The following MTUS2 variants were observed in gnomAD, a reference collection of about 807,000 sequenced individuals.
The protein encoded by MTUS2 is microtubule associated scaffold protein 2.
In MTUS2, 40 loss-of-function variants were observed where a neutral mutation model predicts 114.1. The ratio of observed to expected loss-of-function variants is 0.35; its 90% CI spans 0.27 to 0.46. The LOEUF (loss-of-function observed/expected upper bound fraction) is 0.46. Ranked by LOEUF, MTUS2 falls within the 20% of genes least tolerant of loss-of-function variation. MTUS2 has a pLI of 1.00. For synonymous variants in MTUS2, 688 were observed against 672.0 expected (o/e 1.02, Z -0.37); for missense variants, 1,679 against 1,705.4 (o/e 0.98, Z 0.27).
intron 2 of MTUS2, among the ~76,000 whole-genome samples, chr13:28,842,914 A>G (rs1287458977): frequency 6.6e-6 from 1 of 151,836 alleles, no homozygotes; most frequent in African/African-American, 2.4e-5. Flanking sequence ...GCTCCTTAGA[A>G]CCCCCTCTGG....
At chr13:29,201,229 C>T (rs894419793) in intron 5 of MTUS2, among the ~76,000 whole-genome samples, 4 of 152,086 alleles carry the variant, frequency 2.6e-5, no homozygotes, top group African/African-American at 7.2e-5. Context: ...ATAGTTAGCT[C>T]TTCTTGTTGC....
chr13:28,866,163 A>G (rs920858783), intron 2 of MTUS2, among the ~76,000 whole-genome samples: 1 of 152,098 alleles, frequency 6.6e-6, no homozygotes, highest in East Asian at 1.9e-4. Context: ...TGCTCTATGC[A>G]TGGGAGCACA....
chr13:28,952,071 A>G (rs888916753), intron 2 of MTUS2, among the ~76,000 whole-genome samples: 2 of 152,142 alleles, frequency 1.3e-5, no homozygotes, highest in Admixed American at 6.6e-5. Context: ...CATGATGCAT[A>G]TTTTATTTCC....
chr13:29,029,026 CAT>C (rs1476590760), intron 3 of MTUS2, among the ~76,000 whole-genome samples: 3 of 152,172 alleles, frequency 2.0e-5, no homozygotes, highest in Admixed American at 2.0e-4. Context: ...AAGTTGAATC[CAT>C]TCTCGGCAGC....
intron 5 of MTUS2, among the ~76,000 whole-genome samples, chr13:29,236,488 T>G (rs574311416): frequency 6.6e-6 from 1 of 152,360 alleles, no homozygotes; most frequent in African/African-American, 2.4e-5. Flanking sequence ...AACACTAATT[T>G]TTCCTAGACA....
intron 6 of MTUS2, among the ~76,000 whole-genome samples, chr13:29,315,644 T>C (rs887100350): frequency 6.6e-6 from 1 of 151,974 alleles, no homozygotes; most frequent in Non-Finnish European, 1.5e-5. Context: ...TGAGCTAGGG[T>C]TGGGTTCTGC....
chr13:29,054,027 A>G (rs1378898952), intron 4 of MTUS2, among the ~76,000 whole-genome samples: 1 of 152,246 alleles, frequency 6.6e-6, no homozygotes, highest in African/African-American at 2.4e-5. Context: ...TTACAGTCCC[A>G]TGAGCAATCT....
At chr13:29,169,138 G>A (rs1893447346) in intron 5 of MTUS2, among the ~76,000 whole-genome samples, 1 of 152,058 alleles carries the variant, frequency 6.6e-6, no homozygotes, top group African/African-American at 2.4e-5. Flanking sequence ...ATCAAAATTA[G>A]GCCTTACTAA....
At chr13:29,085,803 C>T (rs77311043) in intron 4 of MTUS2, among the ~76,000 whole-genome samples, 2,095 of 152,118 alleles carry the variant, frequency 0.014, 57 homozygotes, top group African/African-American at 0.048. Flanking sequence ...GGCTGTATAC[C>T]CAGCAGTGGG....
chr13:29,084,784 C>CCG (rs1555234175), intron 4 of MTUS2, among the ~76,000 whole-genome samples: 2 of 110,346 alleles, frequency 1.8e-5, no homozygotes, highest in Admixed American at 1.7e-4. Context: ...GTGATCCACC[C>CCG]CCCCCCCTCA....
rs540613201 is a variant in MTUS2, at chr13:29,392,942, C to T, written c.3117+33469C>T. 1.1e-4 allele frequency among the ~76,000 whole-genome samples: 16 copies of T among 152,262 alleles called. No homozygotes were observed. In the East Asian group the frequency reaches 1.7e-3, roughly 17 times the overall value. On this transcript the variant is annotated intron_variant, in intron 8 of 15. Coordinates refer to ENST00000612955, the MANE Select transcript of MTUS2 (RefSeq NM_001033602.4). ...AAAAAACCGATAAGTGGCATCTATG[C>T]AATGATATCTGAAACTTGGGAATTC...
chr13:29,465,808 A>G (rs913091910), intron 9 of MTUS2, among the ~76,000 whole-genome samples: 3 of 152,218 alleles, frequency 2.0e-5, no homozygotes, highest in East Asian at 1.9e-4. Flanking sequence ...ATAAGGTTGC[A>G]TTACCTTCAT....
intron 2 of MTUS2, among the ~76,000 whole-genome samples, chr13:28,988,592 T>C (rs975532765): frequency 3.3e-5 from 5 of 152,232 alleles, no homozygotes; most frequent in African/African-American, 1.2e-4. Context: ...TCTAAATGTA[T>C]ACAGCCACTA....
At position 28,972,841 on chromosome 13, in the gene MTUS2, T is replaced by G. The variant is rs374126469; in HGVS notation, c.-242-51616T>G. Reference sequence around the variant, plus strand: ...CATCCACTTCTAAGAGATGCTGATTTTTTTGCATTTGCTGCAGACTTTTTA... The same window carrying G: ...CATCCACTTCTAAGAGATGCTGATTGTTTTGCATTTGCTGCAGACTTTTTA... On this transcript the variant is annotated intron_variant, in intron 2 of 15. Coordinates refer to ENST00000612955, the MANE Select transcript of MTUS2 (RefSeq NM_001033602.4). Among the ~76,000 whole-genome samples the G allele has an allele frequency of 2.5e-4, 38 of 152,330 alleles. 1 individual carries two copies. The highest frequency in any genetic ancestry group is 7.9e-4 in the African/African-American group (33 of 41,574).
At chr13:28,888,009 G>A (rs1437565416) in intron 2 of MTUS2, among the ~76,000 whole-genome samples, 1 of 152,066 alleles carries the variant, frequency 6.6e-6, no homozygotes, top group Non-Finnish European at 1.5e-5. Context: ...ACCTGCTGTT[G>A]GCCATCCAGT....
chr13:29,495,942 A>G (rs764729005), intron 12 of MTUS2, among the ~76,000 whole-genome samples: 15 of 151,528 alleles, frequency 9.9e-5, no homozygotes, highest in Admixed American at 5.3e-4. Context: ...GTGTATCTAT[A>G]TATCTATATC....
At chr13:29,270,792 A>G (rs1680430123) in intron 5 of MTUS2, among the ~76,000 whole-genome samples, 1 of 152,128 alleles carries the variant, frequency 6.6e-6, no homozygotes, top group Non-Finnish European at 1.5e-5. Flanking sequence ...TCTGATTGCT[A>G]TTGAAGCTGG....
intron 8 of MTUS2, among the ~76,000 whole-genome samples, chr13:29,394,457 C>A (rs565097311): frequency 6.6e-6 from 1 of 152,184 alleles, no homozygotes; most frequent in Non-Finnish European, 1.5e-5. Flanking sequence ...AAAGTAATGT[C>A]TGGGTTAAGG....
chr13:29,035,673 T>C (rs1887028004), intron 4 of MTUS2, among the ~76,000 whole-genome samples: 1 of 152,214 alleles, frequency 6.6e-6, no homozygotes, highest in Non-Finnish European at 1.5e-5. Flanking sequence ...GTTTTCTTTT[T>C]ATTTCACAAG....
Sources: gnomAD v4.1 joint callset for allele counts (sites outside exome capture counted in the v4.1 genomes callset) on GRCh38, gnomAD v4.1.1 for gene constraint, MANE v1.5 for transcripts, NCBI Gene and HGNC (gene_info 2026-07-23, HGNC 2026-07-21) for gene names.